Variants in PPM1H observed in about 807,000 individuals in gnomAD.
PPM1H encodes the protein protein phosphatase, Mg2+/Mn2+ dependent 1H, also known as protein phosphatase 1H.
PPM1H carries 27 observed loss-of-function variants against 54.9 expected under a neutral mutation model. That is an observed-to-expected ratio of 0.49 (90% CI 0.36 to 0.68). The LOEUF (loss-of-function observed/expected upper bound fraction) is 0.68. Among genes scored for constraint, PPM1H ranks in the 30% least tolerant of loss-of-function variants. The pLI, the probability that PPM1H is intolerant of heterozygous loss-of-function variation, is 0.00. For synonymous variants in PPM1H, 305 were observed against 270.8 expected, an observed-to-expected ratio of 1.13 and a Z score of -1.24; for missense variants, 596 against 667.8, an observed-to-expected ratio of 0.89 and a Z score of 1.19.
chr12:62,707,777 T>C (rs1254609049), intron 6 of PPM1H, among the ~76,000 whole-genome samples: 1 of 152,216 alleles, frequency 6.6e-6, no homozygotes, highest in Non-Finnish European at 1.5e-5. Context: ...ACTGTTTTTT[T>C]CTGCTTTGTA....
intron 4 of PPM1H, among the ~76,000 whole-genome samples, chr12:62,740,033 T>C (rs1005756361): frequency 4.6e-5 from 7 of 152,196 alleles, no homozygotes; most frequent in Non-Finnish European, 1.0e-4. Context: ...TCTCTGCCCA[T>C]AGAACAAAAC....
rs149049739 is a variant in PPM1H, at chr12:62,820,753, C to T, written c.411+11361G>A. On this transcript the variant is annotated intron_variant, in intron 2 of 9. Coordinates refer to ENST00000228705, the MANE Select transcript of PPM1H (RefSeq NM_020700.2). ...AACAAAAAGGACATCCACACCAACACCCCATCTGTAGGTCACTAGCATCAA... is the reference window on the plus strand; with the variant it reads ...AACAAAAAGGACATCCACACCAACATCCCATCTGTAGGTCACTAGCATCAA... Among the ~76,000 whole-genome samples the T allele has an allele frequency of 2.0e-3, 301 of 152,286 alleles. 1 individual carries two copies. The highest frequency in any genetic ancestry group is 3.5e-3 in the Admixed American group (54 of 15,304).
At chr12:62,911,436 T>C (rs968206433) in intron 1 of PPM1H, among the ~76,000 whole-genome samples, 1 of 152,182 alleles carries the variant, frequency 6.6e-6, no homozygotes, top group African/African-American at 2.4e-5. Flanking sequence ...AATATGTTTG[T>C]TATCTTGTAC....
chr12:62,890,546 T>C (rs1870747621), intron 1 of PPM1H, among the ~76,000 whole-genome samples: 1 of 152,094 alleles, frequency 6.6e-6, no homozygotes, highest in East Asian at 1.9e-4. Context: ...ACATTTACCA[T>C]CTGTAGACAT....
intron 2 of PPM1H, among the ~76,000 whole-genome samples, chr12:62,815,942 C>A (rs1592613548): frequency 6.6e-6 from 1 of 152,128 alleles, no homozygotes; most frequent in Non-Finnish European, 1.5e-5. Context: ...TTCATTTTAG[C>A]TCTGTTTTTC....
At chr12:62,745,569 T>A (rs888570761) in intron 4 of PPM1H, among the ~76,000 whole-genome samples, 2 of 152,200 alleles carry the variant, frequency 1.3e-5, no homozygotes, top group Non-Finnish European at 2.9e-5. Context: ...GTTCTTCTAC[T>A]AGGTGGCCCA....
At chr12:62,734,863 T>C (rs450003) in intron 5 of PPM1H, among the ~76,000 whole-genome samples, 40 of 151,954 alleles carry the variant, frequency 2.6e-4, no homozygotes, top group Admixed American at 3.9e-4. Context: ...GGCAAGACAG[T>C]GAGACCCCCC....
intron 1 of PPM1H, among the ~76,000 whole-genome samples, chr12:62,875,201 G>T (rs934628179): frequency 6.6e-6 from 1 of 152,228 alleles, no homozygotes; most frequent in African/African-American, 2.4e-5. Context: ...GTAAAGCTTA[G>T]GTTGGAAGTT....
At chr12:62,713,982 A>C (rs775041677) in intron 6 of PPM1H, among the ~76,000 whole-genome samples, 9 of 151,948 alleles carry the variant, frequency 5.9e-5, no homozygotes, top group Admixed American at 2.0e-4. Context: ...AAAAACAAAA[A>C]AAACAAACCA....
intron 1 of PPM1H, among the ~76,000 whole-genome samples, chr12:62,857,206 C>T (rs898879694): frequency 1.4e-5 from 2 of 145,736 alleles, no homozygotes; most frequent in Non-Finnish European, 3.0e-5. Context: ...GGCACAAAGA[C>T]AGCACTCAAA....
rs749545503 is a variant in PPM1H at position 62,648,369 on chromosome 12, C to T, written c.*120G>A. The T allele has an allele frequency of 2.4e-5, 31 of 1,314,252 alleles. No homozygotes were observed. The highest frequency in any genetic ancestry group is 2.8e-5 in the South Asian group (2 of 72,070). 81.4% of individuals were successfully genotyped at this position (1,314,252 alleles called of 1,614,324 possible). On this transcript the variant is annotated 3_prime_UTR_variant, in exon 10 of 10. Transcript: ENST00000228705. ...CATAGTCTTTTGGCCATGAACTCCC[C>T]GCTTGGGCTGGGAAGAGACTGCATC...
At chr12:62,815,269 A>G (rs957382546) in intron 2 of PPM1H, among the ~76,000 whole-genome samples, 3 of 152,110 alleles carry the variant, frequency 2.0e-5, no homozygotes. Flanking sequence ...TTTAATGAAT[A>G]TGCTGCTTCC....
At chr12:62,797,669 G>A (rs1416708322) in intron 3 of PPM1H, among the ~76,000 whole-genome samples, 1 of 152,130 alleles carries the variant, frequency 6.6e-6, no homozygotes, top group East Asian at 1.9e-4. Context: ...GAGAGGGGGA[G>A]GAAAGAAAAA....
chr12:62,832,239 C>T lies in PPM1H; in HGVS notation c.286G>A (p.Ala96Thr). 2.5e-6 allele frequency: 4 copies of T among 1,613,404 alleles called. No individual in the cohort carries two copies. The highest frequency in any genetic ancestry group is 3.4e-6 in the Non-Finnish European group (4 of 1,179,682). ...TTCACAGTGAGCACCTCACAGCTGG[C>T]TTGGTCTTCATTGTGTGTGCTCTTC... is the stretch of plus-strand genomic sequence containing the variant. ...AGKSTHNEDQ[A>T]SCEVLTVKKK... Residue 96 changes from alanine to threonine, a missense_variant, in exon 2 of 10, where the codon GCC becomes ACC. Ala to Thr is a moderately conservative substitution (Grantham distance 58, BLOSUM62 0). Around this residue, in one of 3 missense-constraint regions of PPM1H, gnomAD observed 382 missense variants for 387.1 expected, o/e 0.99. Transcript: ENST00000228705.
chr12:62,685,128 C>T (rs1269992726), intron 8 of PPM1H, among the ~76,000 whole-genome samples: 3 of 152,080 alleles, frequency 2.0e-5, no homozygotes, highest in Non-Finnish European at 4.4e-5. Flanking sequence ...GCACTACATA[C>T]CCATTAAGCT....
intron 1 of PPM1H, among the ~76,000 whole-genome samples, chr12:62,905,669 A>G (rs1211698569): frequency 1.3e-5 from 2 of 152,234 alleles, no homozygotes; most frequent in Non-Finnish European, 2.9e-5. Flanking sequence ...TCGGTAAGAC[A>G]GAGTAGACCA....
intron 1 of PPM1H, among the ~76,000 whole-genome samples, chr12:62,862,567 G>A (rs1041266951): frequency 2.0e-5 from 3 of 152,110 alleles, no homozygotes; most frequent in African/African-American, 7.2e-5. Flanking sequence ...GGCTGAAATT[G>A]AAAAAACTTG....
intron 1 of PPM1H, among the ~76,000 whole-genome samples, chr12:62,900,263 T>G (rs757647998): frequency 6.6e-6 from 1 of 152,148 alleles, no homozygotes; most frequent in Non-Finnish European, 1.5e-5. Flanking sequence ...GAACATGCGG[T>G]GTTTGGTTTT....
chr12:62,821,245 A>C (rs2076901777), intron 2 of PPM1H, among the ~76,000 whole-genome samples: 1 of 152,228 alleles, frequency 6.6e-6, no homozygotes, highest in South Asian at 2.1e-4. Flanking sequence ...AGAAATGAAC[A>C]AAGCCTCCAA....
Sources: allele counts gnomAD v4.1 joint callset (sites outside exome capture counted in the v4.1 genomes callset), GRCh38; gene constraint gnomAD v4.1.1; regional missense constraint gnomAD v4.1.1; transcripts MANE v1.5; gene names NCBI Gene and HGNC (gene_info 2026-07-23, HGNC 2026-07-21).